Variants in PLCG2 observed in about 807,000 individuals in gnomAD.
PLCG2 encodes the protein 1-phosphatidylinositol 4,5-bisphosphate phosphodiesterase gamma-2.
A neutral mutation model predicts 175.6 loss-of-function variants in PLCG2; 69 were observed. The observed-to-expected ratio is 0.39, with a 90% confidence interval of 0.32 to 0.48. PLCG2 has a LOEUF of 0.48. Ranked by LOEUF, PLCG2 falls within the 20% of genes least tolerant of loss-of-function variation. The pLI is 0.91. For synonymous variants in PLCG2, 827 were observed against 624.0 expected, an observed-to-expected ratio of 1.33 and a Z score of -4.85; for missense variants, 1,798 against 1,650.9, an observed-to-expected ratio of 1.09 and a Z score of -1.54.
intron 1 of PLCG2, chr16:81,783,227 G>C: frequency 2.2e-6 from 1 of 451,608 alleles, no homozygotes; most frequent in South Asian, 1.6e-5. Flanking sequence ...ATGCATGGCT[G>C]GGAACAGTCA....
intron 7 of PLCG2, among the ~76,000 whole-genome samples, chr16:81,871,544 G>A (rs1907516293): frequency 6.6e-6 from 1 of 152,096 alleles, no homozygotes. Context: ...TGCCGCATTG[G>A]GTGGGCAGGT....
intron 2 of PLCG2, among the ~76,000 whole-genome samples, chr16:81,811,376 C>A (rs560750830): frequency 6.6e-6 from 1 of 152,256 alleles, no homozygotes; most frequent in African/African-American, 2.4e-5. Context: ...CGTCGGGGTT[C>A]AGGACTCAAA....
At chr16:81,823,923 T>C (rs540858809) in intron 2 of PLCG2, among the ~76,000 whole-genome samples, 4 of 150,964 alleles carry the variant, frequency 2.6e-5, no homozygotes, top group African/African-American at 9.7e-5. Flanking sequence ...TTCCATCCTT[T>C]CTTCCTTCCT....
chr16:81,748,362 C>T (rs747376672), intron 1 of PLCG2, among the ~76,000 whole-genome samples: 16 of 151,426 alleles, frequency 1.1e-4, no homozygotes, highest in Non-Finnish European at 2.1e-4. Context: ...TGTACTCTAG[C>T]CTGGGTGACA....
chr16:81,814,323 A>G (rs1220826727), intron 2 of PLCG2, among the ~76,000 whole-genome samples: 1 of 152,158 alleles, frequency 6.6e-6, no homozygotes, highest in African/African-American at 2.4e-5. Flanking sequence ...AGACAGGGGC[A>G]GAGATATAGT....
At chr16:81,903,098 T>C (rs754886647) in intron 14 of PLCG2, among the ~76,000 whole-genome samples, 1 of 152,064 alleles carries the variant, frequency 6.6e-6, no homozygotes, top group African/African-American at 2.4e-5. Flanking sequence ...CAAATACCAT[T>C]ACATTGGGGA....
chr16:81,784,698 T>C (rs1910892579), intron 1 of PLCG2, among the ~76,000 whole-genome samples: 1 of 152,208 alleles, frequency 6.6e-6, no homozygotes, highest in African/African-American at 2.4e-5. Context: ...GGGCCTGAGA[T>C]ACATTATCTT....
At chr16:81,829,260 C>G (rs1248230868) in intron 2 of PLCG2, among the ~76,000 whole-genome samples, 2 of 152,170 alleles carry the variant, frequency 1.3e-5, no homozygotes, top group Admixed American at 6.5e-5. Flanking sequence ...ATGCACACAC[C>G]AACGTGCCCG....
At chr16:81,902,108 C>T (rs915835579) in intron 14 of PLCG2, among the ~76,000 whole-genome samples, 3 of 152,186 alleles carry the variant, frequency 2.0e-5, no homozygotes, top group Admixed American at 2.0e-4. Context: ...GTCAGCTGTC[C>T]CGTCCTTTTC....
intron 30 of PLCG2, among the ~76,000 whole-genome samples, chr16:81,944,174 G>C (rs1911061867): frequency 6.6e-6 from 1 of 152,180 alleles, no homozygotes; most frequent in Non-Finnish European, 1.5e-5. Context: ...GTATATTGAT[G>C]TCTTTGTCAT....
In PLCG2 at chr16:81,880,864, G is replaced by A. The variant is rs374229872; in HGVS notation, c.649-46G>A. ...AAAAATCTTTCCGTTTTTGCATTAA[G>A]TGACTTGTCTAAGGTTCTTTTTTTT... On this transcript the variant is annotated intron_variant, in intron 7 of 32. Transcript: ENST00000564138. The A allele has an allele frequency of 3.8e-5, 61 of 1,588,696 alleles. No homozygotes were observed. The African/African-American group carries it at 7.9e-4, about 21-fold the overall frequency.
intron 2 of PLCG2, among the ~76,000 whole-genome samples, chr16:81,827,190 G>GTTT (rs368220809): frequency 7.6e-5 from 11 of 144,058 alleles, no homozygotes; most frequent in African/African-American, 2.6e-4. Flanking sequence ...GGATTGCTGG[G>GTTT]TTTTTTTTTT....
intron 2 of PLCG2, among the ~76,000 whole-genome samples, chr16:81,794,009 G>T (rs975887144): frequency 6.6e-6 from 1 of 152,184 alleles, no homozygotes; most frequent in Non-Finnish European, 1.5e-5. Flanking sequence ...CCAAAGAATG[G>T]CAGCTTCATT....
Position 81,834,910 on chromosome 16 carries a change from T to C in PLCG2, c.194-19534T>C, listed in dbSNP as rs535988501. On this transcript the variant is annotated intron_variant, in intron 2 of 32. Transcript: ENST00000564138. ...ATGGGGAGGCAGCCTTGGTCCATTG[T>C]AGAACTGGGTACTACTGCAAAAGTG... is the stretch of plus-strand genomic sequence containing the variant. Among the ~76,000 whole-genome samples, 116 of 152,288 alleles carry C rather than the reference T, an allele frequency of 7.6e-4. No individual in the cohort carries two copies. In the Middle Eastern group the frequency reaches 0.014, roughly 18 times the overall value.
chr16:81,873,518 C>A (rs922936319), intron 7 of PLCG2, among the ~76,000 whole-genome samples: 1 of 151,522 alleles, frequency 6.6e-6, no homozygotes, highest in Admixed American at 6.6e-5. Context: ...TTGAGAAAAG[C>A]TCGATTTACT....
chr16:81,944,614 A>G (rs1447462174), intron 30 of PLCG2, among the ~76,000 whole-genome samples: 2 of 152,144 alleles, frequency 1.3e-5, no homozygotes, highest in East Asian at 1.9e-4. Context: ...ACAGGTGTGC[A>G]TCACTGTGCC....
At chr16:81,860,940 C>G (rs968271213) in intron 5 of PLCG2, among the ~76,000 whole-genome samples, 1 of 151,970 alleles carries the variant, frequency 6.6e-6, no homozygotes, top group African/African-American at 2.4e-5. Context: ...TCGCGCCACT[C>G]TACTGTGGCC....
intron 3 of PLCG2, among the ~76,000 whole-genome samples, chr16:81,857,531 T>C (rs936449484): frequency 5.9e-5 from 9 of 152,098 alleles, no homozygotes; most frequent in African/African-American, 2.2e-4. Context: ...GATGGTTGAG[T>C]TCTGGTGAGG....
intron 18 of PLCG2, among the ~76,000 whole-genome samples, chr16:81,912,223 G>A (rs1243856245): frequency 6.6e-6 from 1 of 152,084 alleles, no homozygotes; most frequent in Admixed American, 6.5e-5. Context: ...GTGAGCCACT[G>A]TGCCCAGGCT....
Sources: allele counts gnomAD v4.1 joint callset (sites outside exome capture counted in the v4.1 genomes callset), GRCh38; gene constraint gnomAD v4.1.1; transcripts MANE v1.5; gene names NCBI Gene and HGNC (gene_info 2026-07-23, HGNC 2026-07-21).